The following AFAP1 variants were observed in gnomAD, a reference collection of about 807,000 sequenced individuals.
The protein encoded by AFAP1 is actin filament-associated protein 1.
In AFAP1, 75 loss-of-function variants were observed where a neutral mutation model predicts 93.9. The ratio of observed to expected loss-of-function variants is 0.80; its 90% CI spans 0.66 to 0.97. The LOEUF is 0.97. Among genes scored for constraint, AFAP1 ranks in the 50% least tolerant of loss-of-function variants. The pLI is 0.00. For synonymous variants in AFAP1, 517 were observed against 430.7 expected, an observed-to-expected ratio of 1.20 and a Z score of -2.48; for missense variants, 1,201 against 1,050.8, an observed-to-expected ratio of 1.14 and a Z score of -1.98.
chr4:7,898,331 C>A (rs777210471), intron 1 of AFAP1, among the ~76,000 whole-genome samples: 2 of 151,962 alleles, frequency 1.3e-5, no homozygotes, highest in Non-Finnish European at 2.9e-5. Flanking sequence ...TCGCTTGAAC[C>A]CAGAAGGCAG....
intron 9 of AFAP1, among the ~76,000 whole-genome samples, chr4:7,805,070 C>G (rs1385123956): frequency 6.6e-6 from 1 of 152,162 alleles, no homozygotes; most frequent in Non-Finnish European, 1.5e-5. Flanking sequence ...CAGACTGCAT[C>G]TGATTTCTTT....
At chr4:7,929,853 C>T (rs754622625) in intron 1 of AFAP1, among the ~76,000 whole-genome samples, 16 of 152,190 alleles carry the variant, frequency 1.1e-4, no homozygotes, top group Non-Finnish European at 2.2e-4. Flanking sequence ...CCTGCCAATC[C>T]GGAGGTGCCG....
Position 7,911,233 on chromosome 4 carries a change from C to T in AFAP1, c.-3+28423G>A, listed in dbSNP as rs192857386. ...GCTTTCTTCCCCCACTCCCTGCATTCCTGTCCCTAAGGAGCCAGAGACAAT... is the reference window on the plus strand; with the variant it reads ...GCTTTCTTCCCCCACTCCCTGCATTTCTGTCCCTAAGGAGCCAGAGACAAT... On this transcript the variant is annotated intron_variant, in intron 1 of 17. Transcript: ENST00000420658. 7.9e-5 allele frequency among the ~76,000 whole-genome samples: 12 copies of T among 152,318 alleles called. No homozygotes were observed. In the East Asian group the frequency reaches 2.3e-3, roughly 29 times the overall value.
At chr4:7,896,350 C>T (rs1340867766) in intron 1 of AFAP1, among the ~76,000 whole-genome samples, 2 of 152,070 alleles carry the variant, frequency 1.3e-5, no homozygotes, top group African/African-American at 4.8e-5. Context: ...TAATACTGAA[C>T]ACCGACATGA....
At position 7,773,028 on chromosome 4, in the gene AFAP1, G is replaced by T. The variant is rs769656007; in HGVS notation, c.2063-18C>A. ...CTTCCTGCCTGGAATTCCCAGAAAC[G>T]CCGTTACTCCCGCGGCAGGCACAGG... On this transcript the variant is annotated intron_variant, in intron 15 of 17. Transcript: ENST00000420658. 1.9e-6 allele frequency: 3 copies of T among 1,602,946 alleles called. No homozygotes were observed. Among genetic ancestry groups the T allele is most frequent in the Non-Finnish European group, 2.5e-6 (3 of 1,178,778 alleles).
intron 4 of AFAP1, among the ~76,000 whole-genome samples, chr4:7,853,420 CG>C (rs1253547916): frequency 6.6e-6 from 1 of 152,122 alleles, no homozygotes; most frequent in African/African-American, 2.4e-5. Flanking sequence ...CAGGTGGACG[CG>C]GGGACAGGGA....
Position 7,822,353 on chromosome 4 carries a change from C to T in AFAP1, c.727-3182G>A, listed in dbSNP as rs191665932. Reference sequence around the variant, plus strand: ...AACGTTAAAACAAATGTGAAGTATCCAGCCCAGTATTTCTCCCCTAACAGG... The same window carrying T: ...AACGTTAAAACAAATGTGAAGTATCTAGCCCAGTATTTCTCCCCTAACAGG... On this transcript the variant is annotated intron_variant, in intron 6 of 17. Transcript: ENST00000420658. 3.2e-3 allele frequency among the ~76,000 whole-genome samples: 483 copies of T among 152,190 alleles called. 2 individuals carry two copies. The highest frequency in any genetic ancestry group is 0.011 in the African/African-American group (471 of 41,516).
chr4:7,873,271 C>T (rs1221241151), intron 1 of AFAP1, among the ~76,000 whole-genome samples: 1 of 142,006 alleles, frequency 7.0e-6, no homozygotes, highest in Non-Finnish European at 1.5e-5. Context: ...ACCCCACTTT[C>T]ACTTAGGAGT....
intron 10 of AFAP1, among the ~76,000 whole-genome samples, chr4:7,795,950 T>C (rs557590086): frequency 1.1e-3 from 164 of 152,260 alleles, no homozygotes; most frequent in Middle Eastern, 6.8e-3. Flanking sequence ...TTTTAATACA[T>C]AGATAGGTAT....
intron 10 of AFAP1, among the ~76,000 whole-genome samples, chr4:7,797,164 C>T (rs1177223996): frequency 1.3e-5 from 2 of 152,012 alleles, no homozygotes; most frequent in Non-Finnish European, 2.9e-5. Context: ...GTCTCGCAGT[C>T]GATGCTAGCT....
chr4:7,773,199 C>T, intron 15 of AFAP1, 189 bp from the exon 16 acceptor site: 1 of 904,884 alleles, frequency 1.1e-6, no homozygotes, highest in Non-Finnish European at 1.6e-6. Context: ...CTACCATTTC[C>T]CTTTGCTGCA....
At chr4:7,865,028 T>C (rs1187053389) in intron 3 of AFAP1, among the ~76,000 whole-genome samples, 1 of 151,866 alleles carries the variant, frequency 6.6e-6, no homozygotes, top group African/African-American at 2.4e-5. Context: ...TGTGGGGACA[T>C]CAACTATTAA....
chr4:7,871,185 A>G (rs533932633), intron 2 of AFAP1, among the ~76,000 whole-genome samples: 1 of 152,258 alleles, frequency 6.6e-6, no homozygotes, highest in South Asian at 2.1e-4. Context: ...ACTGTGCATC[A>G]AAGAGTTAAT....
chr4:7,761,465 C>T lies in AFAP1; in HGVS notation c.*2300G>A, dbSNP rs1338202696. On this transcript the variant is annotated 3_prime_UTR_variant, in exon 18 of 18. Coordinates refer to ENST00000420658, the MANE Select transcript of AFAP1 (RefSeq NM_001134647.2). ...AGTCCCTGCTAAGGCTCCGGGGCCT[C>T]CTTGCCTGGTGAGGAAGCTGGTGGG... The T allele has an allele frequency of 6.6e-6, 1 of 152,294 alleles. No individual in the cohort carries two copies. Among genetic ancestry groups the T allele is most frequent in the African/African-American group, 2.4e-5 (1 of 41,476 alleles). The allele number at this position is 152,294 out of a possible 1,614,324, so 9.4% of individuals were successfully genotyped here. A position where few individuals can be genotyped will look rare whatever the true frequency, so the allele number is the denominator to read the frequency against.
intron 1 of AFAP1, among the ~76,000 whole-genome samples, chr4:7,882,390 C>G (rs1286804866): frequency 8.2e-6 from 1 of 122,320 alleles, no homozygotes; most frequent in African/African-American, 2.8e-5. Flanking sequence ...AGAACATAAC[C>G]AAATTCTTTT....
chr4:7,799,950 C>G (rs1001463499), intron 10 of AFAP1, among the ~76,000 whole-genome samples: 2 of 152,088 alleles, frequency 1.3e-5, no homozygotes, highest in African/African-American at 4.8e-5. Context: ...GCTCACTGGC[C>G]GCCGTCTATA....
At chr4:7,858,874 C>T (rs992585503) in intron 3 of AFAP1, among the ~76,000 whole-genome samples, 14 of 152,184 alleles carry the variant, frequency 9.2e-5, no homozygotes, top group Non-Finnish European at 1.3e-4. Flanking sequence ...ACAACAAAGC[C>T]AACTTTACCT....
At position 7,768,986 on chromosome 4, in the gene AFAP1, G is replaced by A. The variant is rs1190322798; in HGVS notation, c.2276C>T (p.Thr759Ile). The A allele has an allele frequency of 3.1e-6, 5 of 1,612,866 alleles. No homozygotes were observed. Among genetic ancestry groups the A allele is most frequent in the African/African-American group, 2.7e-5 (2 of 74,920 alleles). Reference sequence around the variant, plus strand: ...GCTGGAGATGGGCGAGTTTTCCAGGGTCCGGTGCCGGAACACTGGAGACTT... The same window carrying A: ...GCTGGAGATGGGCGAGTTTTCCAGGATCCGGTGCCGGAACACTGGAGACTT... ...SPQSPVFRHR[T>I]LENSPISSCD... The change falls in exon 17 of 18, where the codon ACC becomes ATC. Residue 759 changes from threonine (T) to isoleucine (I), a missense_variant. Coordinates refer to ENST00000420658, the MANE Select transcript of AFAP1 (RefSeq NM_001134647.2).
At position 7,760,629 on chromosome 4, in the gene AFAP1, G is replaced by A. The variant is rs4689163; in HGVS notation, c.*3136C>T. The A allele has an allele frequency of 0.62, 94,687 of 152,218 alleles. 31,997 individuals are homozygous for A. The highest frequency in any genetic ancestry group is 0.76 in the Non-Finnish European group (51,676 of 68,018). 9.4% of individuals were successfully genotyped at this position (152,218 alleles called of 1,614,324 possible). ...GGTCAGGGGGACAAAGGGAGCCCTC[G>A]AATCTGATAGTTGTTTCTATGAAAA... is the stretch of plus-strand genomic sequence containing the variant. On this transcript the variant is annotated 3_prime_UTR_variant, in exon 18 of 18. Coordinates refer to ENST00000420658, the MANE Select transcript of AFAP1 (RefSeq NM_001134647.2).
Sources: gnomAD v4.1 joint callset for allele counts (sites outside exome capture counted in the v4.1 genomes callset) on GRCh38, gnomAD v4.1.1 for gene constraint, MANE v1.5 for transcripts, NCBI Gene and HGNC (gene_info 2026-07-23, HGNC 2026-07-21) for gene names.